STPG2: variants seen among roughly 807,000 people sequenced by gnomAD.
STPG2 encodes the protein sperm-tail PG-rich repeat-containing protein 2.
A neutral mutation model predicts 54.2 loss-of-function variants in STPG2; 56 were observed. The ratio of observed to expected loss-of-function variants is 1.03; its 90% CI spans 0.83 to 1.29. The LOEUF (loss-of-function observed/expected upper bound fraction) is 1.29, where lower values mean the gene tolerates loss of function less well. Among genes scored for constraint, STPG2 ranks in the 50% most tolerant of loss-of-function variants. The pLI, the probability that STPG2 is intolerant of heterozygous loss-of-function variation, is 0.00. For synonymous variants in STPG2, 200 were observed against 181.8 expected, an observed-to-expected ratio of 1.10 and a Z score of -0.81; for missense variants, 596 against 544.9, an observed-to-expected ratio of 1.09 and a Z score of -0.93.
chr4:97,842,674 G>T (rs1272143654), intron 8 of STPG2, among the ~76,000 whole-genome samples: 5 of 151,846 alleles, frequency 3.3e-5, no homozygotes, highest in Non-Finnish European at 4.4e-5. Flanking sequence ...GCAAAGACAA[G>T]AAACTGCATC....
At chr4:97,980,416 CTTAA>C (rs942078703) in intron 6 of STPG2, among the ~76,000 whole-genome samples, 11 of 152,178 alleles carry the variant, frequency 7.2e-5, no homozygotes, top group African/African-American at 2.2e-4. Flanking sequence ...CTCTGAGTGA[CTTAA>C]TTAACTAATA....
intron 9 of STPG2, among the ~76,000 whole-genome samples, chr4:97,767,194 T>C (rs1366735224): frequency 1.3e-5 from 2 of 152,148 alleles, no homozygotes; most frequent in African/African-American, 4.8e-5. Flanking sequence ...CCATTACCAA[T>C]TATGTTTATT....
At chr4:97,854,733 AT>A (rs950683992) in intron 8 of STPG2, among the ~76,000 whole-genome samples, 1 of 151,882 alleles carries the variant, frequency 6.6e-6, no homozygotes, top group Non-Finnish European at 1.5e-5. Flanking sequence ...ATTTTATTAG[AT>A]TTTTTTTCTT....
intron 9 of STPG2, among the ~76,000 whole-genome samples, chr4:97,777,242 T>G (rs1051527430): frequency 2.0e-5 from 3 of 152,232 alleles, no homozygotes; most frequent in Non-Finnish European, 4.4e-5. Flanking sequence ...AGCTTATAGC[T>G]TATACTTAAA....
At chr4:97,732,204 G>A (rs1578515236) in intron 9 of STPG2, among the ~76,000 whole-genome samples, 1 of 152,150 alleles carries the variant, frequency 6.6e-6, no homozygotes, top group African/African-American at 2.4e-5. Context: ...AATCTTCTGG[G>A]CTTGGCACAG....
intron 9 of STPG2, among the ~76,000 whole-genome samples, chr4:97,838,037 A>G (rs1728682259): frequency 6.6e-6 from 1 of 151,602 alleles, no homozygotes; most frequent in Non-Finnish European, 1.5e-5. Flanking sequence ...TGACCCAAGT[A>G]ACAAATATGC....
chr4:97,447,618 G>A (rs1282378191), intron 4 of STPG2, among the ~76,000 whole-genome samples: 1 of 152,204 alleles, frequency 6.6e-6, no homozygotes, highest in Non-Finnish European at 1.5e-5. Flanking sequence ...GAGGGTGCAA[G>A]CTCCAAGATT....
chr4:97,529,129 T>C (rs1731355860), intron 4 of STPG2, among the ~76,000 whole-genome samples: 1 of 152,214 alleles, frequency 6.6e-6, no homozygotes, highest in Non-Finnish European at 1.5e-5. Flanking sequence ...TTGTCATAAA[T>C]AGCTCTTATT....
intron 9 of STPG2, among the ~76,000 whole-genome samples, chr4:97,822,167 C>G (rs766192275): frequency 2.6e-5 from 4 of 152,198 alleles, no homozygotes; most frequent in Non-Finnish European, 5.9e-5. Flanking sequence ...TAGAAGCAAA[C>G]AGGCCATTTC....
chr4:97,490,759 T>C (rs1412165294), intron 4 of STPG2, among the ~76,000 whole-genome samples: 1 of 151,596 alleles, frequency 6.6e-6, no homozygotes, highest in Non-Finnish European at 1.5e-5. Flanking sequence ...TCCTAACCTT[T>C]AACACTTCTA....
intron 10 of STPG2, among the ~76,000 whole-genome samples, chr4:97,623,101 T>C (rs1270439684): frequency 6.6e-6 from 1 of 152,082 alleles, no homozygotes; most frequent in Non-Finnish European, 1.5e-5. Flanking sequence ...ATACAGCATA[T>C]ACAAAACTCA....
chr4:97,663,042 T>C (rs1722421138), intron 10 of STPG2, among the ~76,000 whole-genome samples: 1 of 151,704 alleles, frequency 6.6e-6, no homozygotes, highest in African/African-American at 2.4e-5. Context: ...GTTGTCATTT[T>C]AAATAATGCA....
intron 5 of STPG2, among the ~76,000 whole-genome samples, chr4:97,991,924 A>G (rs1337505406): frequency 1.3e-5 from 2 of 150,768 alleles, no homozygotes; most frequent in Non-Finnish European, 3.0e-5. Context: ...TTGTCTATTC[A>G]TGTCCTTTGC....
chr4:97,617,760 T>C (rs1398720492), intron 10 of STPG2, among the ~76,000 whole-genome samples: 1 of 152,064 alleles, frequency 6.6e-6, no homozygotes, highest in East Asian at 1.9e-4. Flanking sequence ...AGGAAAGAAA[T>C]GTGAGTTAGA....
chr4:97,512,002 C>T (rs1011405347), intron 4 of STPG2, among the ~76,000 whole-genome samples: 5 of 152,000 alleles, frequency 3.3e-5, no homozygotes, highest in Admixed American at 2.0e-4. Context: ...AGGAAAGGAC[C>T]TGCATGCTTT....
intron 5 of STPG2, among the ~76,000 whole-genome samples, chr4:98,086,347 G>A (rs576831684): frequency 3.6e-4 from 55 of 151,950 alleles, no homozygotes; most frequent in South Asian, 4.2e-4. Context: ...CATAAAGTCC[G>A]TGCTATAGTT....
chr4:97,967,090 CA>C (rs1319444238), intron 7 of STPG2, among the ~76,000 whole-genome samples: 1 of 150,304 alleles, frequency 6.7e-6, no homozygotes, highest in Admixed American at 6.7e-5. Context: ...TCAAGACTAC[CA>C]GTGTACTGTA....
intron 5 of STPG2, among the ~76,000 whole-genome samples, chr4:98,040,256 C>T (rs540833311): frequency 6.6e-6 from 1 of 152,068 alleles, no homozygotes; most frequent in Admixed American, 6.6e-5. Context: ...AATATCTTCC[C>T]TCATTCTGCA....
chr4:97,888,294 A>C (rs1730653419), intron 8 of STPG2, among the ~76,000 whole-genome samples: 2 of 152,158 alleles, frequency 1.3e-5, no homozygotes, highest in Admixed American at 6.5e-5. Flanking sequence ...CTCAGCCTGG[A>C]AAAGCTATTG....
Sources: gnomAD v4.1 joint callset for allele counts (sites outside exome capture counted in the v4.1 genomes callset) on GRCh38, gnomAD v4.1.1 for gene constraint, MANE v1.5 for transcripts, NCBI Gene and HGNC (gene_info 2026-07-23, HGNC 2026-07-21) for gene names.